The following OTX2 variants were observed in gnomAD, a reference collection of about 807,000 sequenced individuals.
The protein encoded by OTX2 is orthodenticle homeobox 2.
OTX2 carries 4 observed loss-of-function variants against 29.0 expected under a neutral mutation model. That is an observed-to-expected ratio of 0.14 (90% CI 0.07 to 0.32). The LOEUF (loss-of-function observed/expected upper bound fraction) is 0.32, where lower values mean the gene tolerates loss of function less well. Ranked by LOEUF, OTX2 falls within the 10% of genes least tolerant of loss-of-function variation. The probability of loss-of-function intolerance (pLI) is 1.00; values close to 1 mark genes in which losing one functional copy is unlikely to be tolerated. For synonymous variants in OTX2, 134 were observed against 141.0 expected (o/e 0.95, Z 0.35); for missense variants, 298 against 365.9 (o/e 0.81, Z 1.51).
At chr14:56,809,752 G>C (rs1202969162) in intron 2 of OTX2, among the ~76,000 whole-genome samples, 13 of 152,164 alleles carry the variant, frequency 8.5e-5, no homozygotes, top group Admixed American at 7.9e-4. Flanking sequence ...CTCTAAAAAG[G>C]TCCCTGGGAT....
chr14:56,802,231 C>T lies in OTX2; in HGVS notation c.398G>A (p.Ser133Asn). The change falls in exon 5 of 5, where the codon AGT (serine) becomes AAT (asparagine). Residue 133 changes from serine to asparagine, a missense_variant. Transcript: ENST00000672264. This position sits in a 1 kb window ranked among gnomAD's most constrained non-coding sequence, Gnocchi z 4.4. The part of the protein sequence containing the change: ...TSPAREVSSE[S>N]GTSGQFTPPS... ...GGGAGTGAATTGGCCACTTGTTCCACTCTCTGAACTCACTTCCCGAGCTGG... is the reference window on the plus strand; with the variant it reads ...GGGAGTGAATTGGCCACTTGTTCCATTCTCTGAACTCACTTCCCGAGCTGG... The T allele has an allele frequency of 6.2e-7, 1 of 1,614,172 alleles. No individual in the cohort carries two copies. The highest frequency in any genetic ancestry group is 2.2e-5 in the East Asian group (1 of 44,888).
rs529217194 is a variant in OTX2 at position 56,802,934 on chromosome 14, G to GGCTT, written c.274-580_274-579insAAGC. 2.5e-3 allele frequency among the ~76,000 whole-genome samples: 380 copies of GGCTT among 152,294 alleles called. 1 individual carries two copies. Among genetic ancestry groups the GGCTT allele is most frequent in the African/African-American group, 8.7e-3 (361 of 41,542 alleles). On this transcript the variant is annotated intron_variant, in intron 4 of 4. Transcript: ENST00000672264. This position sits in a 1 kb window ranked among gnomAD's most constrained non-coding sequence, Gnocchi z 4.4. ...AGACATGATCTTGTTGAAGAAAGAGGTCTGAAAGCCACTATTTGCTAAAAG... is the reference window on the plus strand; with the variant it reads ...AGACATGATCTTGTTGAAGAAAGAGGGCTTTCTGAAAGCCACTATTTGCTAAAAG...
At chr14:56,805,627 G>A in intron 2 of OTX2, 52 bp from the exon 3 acceptor site, 1 of 643,748 alleles carries the variant, frequency 1.6e-6, no homozygotes, top group Non-Finnish European at 2.8e-6. Flanking sequence ...TGCTTCGGAG[G>A]CAGCAGCTCT....
Position 56,804,111 on chromosome 14 carries a change from C to T in OTX2, c.273+77G>A. On this transcript the variant is annotated intron_variant, in intron 4 of 4. Transcript: ENST00000672264. The surrounding 1 kb of genome is among the most constrained non-coding windows in gnomAD (Gnocchi z 4.1). ...AGCCTTCCTTCAGTCCTCTGAAAGA[C>T]CTGGGGCTCTCCACAGTCCCATACT... The T allele has an allele frequency of 2.0e-6, 3 of 1,519,212 alleles. No homozygotes were observed. The highest frequency in any genetic ancestry group is 2.7e-6 in the Non-Finnish European group (3 of 1,093,942). 94.1% of individuals were successfully genotyped at this position (1,519,212 alleles called of 1,614,324 possible).
chr14:56,799,982 C>G lies in OTX2; in HGVS notation c.*1753G>C, dbSNP rs1198676238. Reference sequence around the variant, plus strand: ...TTTTGGTCAGCTGTAAGAGCTTAAGCAGCTTAAAATGAAATTAAATATTGC... The same window carrying G: ...TTTTGGTCAGCTGTAAGAGCTTAAGGAGCTTAAAATGAAATTAAATATTGC... On this transcript the variant is annotated 3_prime_UTR_variant, in exon 5 of 5. Coordinates refer to ENST00000672264, the MANE Select transcript of OTX2 (RefSeq NM_021728.4). 1.3e-5 allele frequency: 2 copies of G among 152,160 alleles called. No homozygotes were observed. Among genetic ancestry groups the G allele is most frequent in the Non-Finnish European group, 1.5e-5 (1 of 68,034 alleles). The allele number at this position is 152,160 out of a possible 1,614,324, so 9.4% of individuals were successfully genotyped here. A position where few individuals can be genotyped will look rare whatever the true frequency, so the allele number is the denominator to read the frequency against.
Position 56,802,434 on chromosome 14 carries a change from A to G in OTX2, c.274-79T>C. On this transcript the variant is annotated intron_variant, in intron 4 of 4. Coordinates refer to ENST00000672264, the MANE Select transcript of OTX2 (RefSeq NM_021728.4). The surrounding 1 kb of genome is among the most constrained non-coding windows in gnomAD (Gnocchi z 4.4). The stretch of plus-strand genomic sequence containing the variant: ...AGAATGGCTCCCGTATTATAAATCT[A>G]TCCTACATGGGCAGATCAGCTAAAC... The G allele has an allele frequency of 3.4e-6, 5 of 1,480,108 alleles. No homozygotes were observed. Among genetic ancestry groups the G allele is most frequent in the South Asian group, 1.1e-5 (1 of 88,340 alleles). 91.7% of individuals were successfully genotyped at this position (1,480,108 alleles called of 1,614,324 possible).
Position 56,804,166 on chromosome 14 carries a change from G to T in OTX2, c.273+22C>A, listed in dbSNP as rs758459170. 6.2e-7 allele frequency: 1 copy of T among 1,613,686 alleles called. No homozygotes were observed. The highest frequency in any genetic ancestry group is 1.7e-5 in the Admixed American group (1 of 60,030). On this transcript the variant is annotated intron_variant, in intron 4 of 4. Transcript: ENST00000672264. This position sits in a 1 kb window ranked among gnomAD's most constrained non-coding sequence, Gnocchi z 4.1. ...AAGGGTGGCATGATCAGGAAGGATG[G>T]TTCTGCCTGCATCTGCCCTACCTGC... is the stretch of plus-strand genomic sequence containing the variant.
intron 2 of OTX2, among the ~76,000 whole-genome samples, chr14:56,807,802 G>C (rs560823724): frequency 8.5e-5 from 13 of 152,202 alleles, no homozygotes; most frequent in Non-Finnish European, 1.9e-4. Context: ...GGTCCAGAAC[G>C]GGGAAAAGAA....
Position 56,801,931 on chromosome 14 carries a change from T to C in OTX2, c.698A>G (p.Asn233Ser), listed in dbSNP as rs370761964. ...CTGATTGAGATGGCTGGTGACTGCA[T>C]TGGTACCCATGGGACTGAGTGTGGC... ...PGATLSPMGTNAVTSHLNQSP... is the reference protein window; with the variant it reads ...PGATLSPMGTSAVTSHLNQSP... Residue 233 changes from asparagine to serine, a missense_variant, in exon 5 of 5, where the codon AAT becomes AGT. Coordinates refer to ENST00000672264, the MANE Select transcript of OTX2 (RefSeq NM_021728.4). This position sits in a 1 kb window ranked among gnomAD's most constrained non-coding sequence, Gnocchi z 4.2. 8 of 1,614,182 alleles carry C rather than the reference T, an allele frequency of 5.0e-6. No individual in the cohort carries two copies. The African/African-American group carries it at 9.3e-5, about 19-fold the overall frequency.
At position 56,804,751 on chromosome 14, in the gene OTX2, C is replaced by T. The variant is rs1892019261; in HGVS notation, c.98-388G>A. Among the ~76,000 whole-genome samples, 1 of 152,172 alleles carries T rather than the reference C, an allele frequency of 6.6e-6. No homozygotes were observed. Among genetic ancestry groups the T allele is most frequent in the Non-Finnish European group, 1.5e-5 (1 of 68,038 alleles). On this transcript the variant is annotated intron_variant, in intron 3 of 4. Transcript: ENST00000672264. This position sits in a 1 kb window ranked among gnomAD's most constrained non-coding sequence, Gnocchi z 4.1. Reference sequence around the variant, plus strand: ...ATGGGGGAAATCTGGATCCTGTTCCCATGGTTTTTAGCACACCATGGGCCT... The same window carrying T: ...ATGGGGGAAATCTGGATCCTGTTCCTATGGTTTTTAGCACACCATGGGCCT...
chr14:56,805,242 G>T (rs1167146045), intron 3 of OTX2, 118 bp downstream of exon 3: 1 of 720,692 alleles, frequency 1.4e-6, no homozygotes, highest in Non-Finnish European at 2.5e-6. Flanking sequence ...GACCAAGCCT[G>T]AAGCTGGGTG....
chr14:56,806,991 G>A (rs1459694206), intron 2 of OTX2, among the ~76,000 whole-genome samples: 1 of 152,036 alleles, frequency 6.6e-6, no homozygotes, highest in Admixed American at 6.6e-5. Flanking sequence ...AGGACTCCGG[G>A]TTTTCATATT....
Position 56,801,965 on chromosome 14 carries a change from C to T in OTX2, c.664G>A (p.Gly222Arg), listed in dbSNP as rs374968145. 57 of 1,614,010 alleles carry T rather than the reference C, an allele frequency of 3.5e-5. No individual in the cohort carries two copies. Among genetic ancestry groups the T allele is most frequent in the Middle Eastern group, 1.6e-4 (1 of 6,084 alleles). Residue 222 changes from glycine to arginine, a missense_variant, in exon 5 of 5, where the codon GGA becomes AGA. Physicochemically the swap from Gly to Arg is moderately radical, Grantham distance 125. Around this residue, in one of 3 missense-constraint regions of OTX2, gnomAD observed 219 missense variants for 223.5 expected, o/e 0.98. Coordinates refer to ENST00000672264, the MANE Select transcript of OTX2 (RefSeq NM_021728.4). The surrounding 1 kb of genome is among the most constrained non-coding windows in gnomAD (Gnocchi z 4.2). Reference sequence around the variant, plus strand: ...ATGGGACTGAGTGTGGCCCCTGGTCCGGGAAGCTGGTGATGCATAGGGGTC... The same window carrying T: ...ATGGGACTGAGTGTGGCCCCTGGTCTGGGAAGCTGGTGATGCATAGGGGTC... ...YLTPMHHQLP[G>R]PGATLSPMGT...
rs761733794 is a variant in OTX2, at chr14:56,801,949, A to C, written c.680T>G (p.Leu227Arg). ...HHQLPGPGAT[L>R]SPMGTNAVTS... ...GACTGCATTGGTACCCATGGGACTGAGTGTGGCCCCTGGTCCGGGAAGCTG... is the reference window on the plus strand; with the variant it reads ...GACTGCATTGGTACCCATGGGACTGCGTGTGGCCCCTGGTCCGGGAAGCTG... Residue 227 changes from leucine to arginine, a missense_variant, in exon 5 of 5, where the codon CTC becomes CGC. Physicochemically the swap from Leu to Arg is moderately radical, Grantham distance 102. This residue lies in a region of OTX2 where 219 missense variants were observed against 223.5 expected (regional missense o/e 0.98). Coordinates refer to ENST00000672264, the MANE Select transcript of OTX2 (RefSeq NM_021728.4). This position sits in a 1 kb window ranked among gnomAD's most constrained non-coding sequence, Gnocchi z 4.2. 2.3e-4 allele frequency: 369 copies of C among 1,614,034 alleles called. No homozygotes were observed. Among genetic ancestry groups the C allele is most frequent in the Non-Finnish European group, 2.9e-4 (348 of 1,180,040 alleles).
intron 2 of OTX2, among the ~76,000 whole-genome samples, chr14:56,806,403 A>C (rs889540049): frequency 6.6e-6 from 1 of 152,240 alleles, no homozygotes; most frequent in African/African-American, 2.4e-5. Context: ...CAAATATTTA[A>C]GCATATTCCA....
At position 56,802,249 on chromosome 14, in the gene OTX2, C is replaced by A. The variant is rs199799627; in HGVS notation, c.380G>T (p.Arg127Leu). 5.0e-6 allele frequency: 8 copies of A among 1,614,146 alleles called. No individual in the cohort carries two copies. Among genetic ancestry groups the A allele is most frequent in the Non-Finnish European group, 6.8e-6 (8 of 1,180,028 alleles). Residue 127 changes from arginine (R) to leucine (L), a missense_variant, in exon 5 of 5, where the codon CGG becomes CTG. Physicochemically the swap from Arg to Leu is moderately radical, Grantham distance 102. This residue lies in a region of OTX2 where 219 missense variants were observed against 223.5 expected (regional missense o/e 0.98). Transcript: ENST00000672264. This position sits in a 1 kb window ranked among gnomAD's most constrained non-coding sequence, Gnocchi z 4.4. ...RPAKKKTSPAREVSSESGTSG... is the reference protein window; with the variant it reads ...RPAKKKTSPALEVSSESGTSG... ...TGTTCCACTCTCTGAACTCACTTCCCGAGCTGGAGATGTCTTCTTTTTGGC... is the reference window on the plus strand; with the variant it reads ...TGTTCCACTCTCTGAACTCACTTCCAGAGCTGGAGATGTCTTCTTTTTGGC...
chr14:56,808,615 C>T (rs766108477), intron 2 of OTX2, among the ~76,000 whole-genome samples: 15 of 152,118 alleles, frequency 9.9e-5, no homozygotes, highest in Non-Finnish European at 1.6e-4. Flanking sequence ...GGGAGGAGTT[C>T]CCTCTCCTAC....
At chr14:56,810,274 C>T (rs1341509276) in intron 1 of OTX2, 52 bp from the exon 2 acceptor site, 1 of 152,180 alleles carries the variant, frequency 6.6e-6, no homozygotes, top group East Asian at 1.9e-4. Context: ...TTCACCCTTC[C>T]ATGAAAAGTC....
rs546012730 is a variant in OTX2, at chr14:56,804,818, T to A, written c.98-455A>T. 8.0e-4 allele frequency among the ~76,000 whole-genome samples: 121 copies of A among 152,186 alleles called. No homozygotes were observed. The highest frequency in any genetic ancestry group is 1.1e-3 in the Non-Finnish European group (75 of 68,010). On this transcript the variant is annotated intron_variant, in intron 3 of 4. Transcript: ENST00000672264. The surrounding 1 kb of genome is among the most constrained non-coding windows in gnomAD (Gnocchi z 4.1). Reference sequence around the variant, plus strand: ...AAAATGGGGACATAGTTCATACTCCTGGGAGGATTTTTAAACATATCTGAT... The same window carrying A: ...AAAATGGGGACATAGTTCATACTCCAGGGAGGATTTTTAAACATATCTGAT...
Sources: gnomAD v4.1 joint callset for allele counts (sites outside exome capture counted in the v4.1 genomes callset) on GRCh38, gnomAD v4.1.1 for gene constraint, gnomAD v4.1.1 regional missense constraint, Gnocchi (gnomAD v3.1) non-coding constraint, MANE v1.5 for transcripts, NCBI Gene and HGNC (gene_info 2026-07-23, HGNC 2026-07-21) for gene names.